The following ANKS4B variants were observed in gnomAD, a reference collection of about 807,000 sequenced individuals.
ANKS4B encodes ankyrin repeat and SAM domain-containing protein 4B.
A neutral mutation model predicts 20.2 loss-of-function variants in ANKS4B; 21 were observed. The observed-to-expected ratio is 1.04, with a 90% CI of 0.74 to 1.50. The LOEUF (loss-of-function observed/expected upper bound fraction) is 1.50. Ranked by LOEUF, ANKS4B falls within the 40% of genes most tolerant of loss-of-function variation. The pLI, the probability that ANKS4B is intolerant of heterozygous loss-of-function variation, is 0.00. For synonymous variants in ANKS4B, 179 were observed against 194.5 expected (o/e 0.92, Z 0.66); for missense variants, 473 against 494.6 (o/e 0.96, Z 0.41).
rs1261831767 is a variant in ANKS4B, at chr16:21,250,406, G to T, written c.840G>T (p.Arg280Ser). ...GLGSIVFRRN[R>S]ISSPEDISDS... ...GAAGTATTGTTTTTAGAAGGAACAG[G>T]ATATCGAGTCCTGAAGACATCTCAG... Residue 280 changes from arginine to serine, a missense_variant, in exon 2 of 2, where the codon AGG becomes AGT. By Grantham distance (110) the Arg-to-Ser change is moderately radical (BLOSUM62 -1). Coordinates refer to ENST00000311620, the MANE Select transcript of ANKS4B (RefSeq NM_145865.3). 1 of 1,614,186 alleles carries T rather than the reference G, an allele frequency of 6.2e-7. No homozygotes were observed. Among genetic ancestry groups the T allele is most frequent in the Admixed American group, 1.7e-5 (1 of 60,018 alleles).
chr16:21,244,010 T>C (rs1054423712), intron 1 of ANKS4B: 1 of 150,832 alleles, frequency 6.6e-6, no homozygotes, highest in Non-Finnish European at 1.5e-5. Context: ...TCATCTCAGG[T>C]GTACTGTTCT....
At chr16:21,241,924 A>G (rs1349427342) in intron 1 of ANKS4B, among the ~76,000 whole-genome samples, 1 of 152,172 alleles carries the variant, frequency 6.6e-6, no homozygotes, top group Non-Finnish European at 1.5e-5. Context: ...TGAGCTGAGC[A>G]TGATGGCTCA....
intron 1 of ANKS4B, among the ~76,000 whole-genome samples, chr16:21,234,487 C>T (rs1216696508): frequency 7.4e-6 from 1 of 135,940 alleles, no homozygotes; most frequent in African/African-American, 3.1e-5. Context: ...GATAGATACA[C>T]ACACACACAC....
At chr16:21,235,594 A>G (rs1482330693) in intron 1 of ANKS4B, among the ~76,000 whole-genome samples, 2 of 152,188 alleles carry the variant, frequency 1.3e-5, no homozygotes, top group African/African-American at 4.8e-5. Flanking sequence ...GGGTAGTGAC[A>G]TTGGGAATGG....
At chr16:21,234,812 G>C (rs1207567999) in intron 1 of ANKS4B, among the ~76,000 whole-genome samples, 3 of 152,038 alleles carry the variant, frequency 2.0e-5, no homozygotes, top group Non-Finnish European at 4.4e-5. Context: ...AGATTTGAGA[G>C]GGGAAGACAA....
intron 1 of ANKS4B, 88 bp downstream of exon 1, chr16:21,233,989 A>G (rs888191386): frequency 5.6e-6 from 7 of 1,251,230 alleles, no homozygotes; most frequent in Non-Finnish European, 7.8e-6. Flanking sequence ...GTCAATACAA[A>G]TACTTTATCC....
chr16:21,245,874 G>A (rs2093331698), intron 1 of ANKS4B, among the ~76,000 whole-genome samples: 3 of 152,170 alleles, frequency 2.0e-5, no homozygotes, highest in Non-Finnish European at 4.4e-5. Context: ...TTGGGGGCAA[G>A]GGCAAGGATA....
intron 1 of ANKS4B, among the ~76,000 whole-genome samples, chr16:21,235,555 T>C (rs560323638): frequency 7.5e-4 from 114 of 152,264 alleles, no homozygotes; most frequent in African/African-American, 2.7e-3. Context: ...GTTTGGGGAC[T>C]GTTTTAGTGG....
Position 21,233,774 on chromosome 16 carries a change from T to C in ANKS4B, c.37T>C (p.Tyr13His). 1 of 1,614,042 alleles carries C rather than the reference T, an allele frequency of 6.2e-7. No homozygotes were observed. The highest frequency in any genetic ancestry group is 8.5e-7 in the Non-Finnish European group (1 of 1,179,954). The change falls in exon 1 of 2, where the codon TAC (tyrosine) becomes CAC (histidine). Residue 13 changes from tyrosine to histidine, a missense_variant. Physicochemically the swap from Tyr to His is moderately conservative, Grantham distance 83. Transcript: ENST00000311620. ...TTACCACCAAGCTGCTAGTGATAGTTACCTGGAACTTCTAAAAGAGGCTAC... is the reference window on the plus strand; with the variant it reads ...TTACCACCAAGCTGCTAGTGATAGTCACCTGGAACTTCTAAAAGAGGCTAC... ...TRYHQAASDS[Y>H]LELLKEATKR...
intron 1 of ANKS4B, among the ~76,000 whole-genome samples, chr16:21,246,490 G>T (rs1477117158): frequency 6.6e-6 from 1 of 152,102 alleles, no homozygotes; most frequent in East Asian, 1.9e-4. Context: ...AAGAATGTTA[G>T]TACAGGTTTT....
rs1194789226 is a variant in ANKS4B at position 21,252,849 on chromosome 16, A to C, written c.*2029A>C. 6.6e-6 allele frequency: 1 copy of C among 151,858 alleles called. No homozygotes were observed. The highest frequency in any genetic ancestry group is 2.4e-5 in the African/African-American group (1 of 41,302). 9.4% of individuals were successfully genotyped at this position (151,858 alleles called of 1,614,324 possible). A position where few individuals can be genotyped will look rare whatever the true frequency, so the allele number is the denominator to read the frequency against. ...GACCAGCCTGGCCAACATGGCGGAAACCCGTCTCTACTAAAAATACAAAAA... is the reference window on the plus strand; with the variant it reads ...GACCAGCCTGGCCAACATGGCGGAACCCCGTCTCTACTAAAAATACAAAAA... On this transcript the variant is annotated 3_prime_UTR_variant, in exon 2 of 2. Coordinates refer to ENST00000311620, the MANE Select transcript of ANKS4B (RefSeq NM_145865.3).
chr16:21,250,864 C>A lies in ANKS4B; in HGVS notation c.*44C>A. On this transcript the variant is annotated 3_prime_UTR_variant, in exon 2 of 2. Transcript: ENST00000311620. ...AGCATTGGGGTGATGCTGTGGCCCG[C>A]TGGCAGCACTCCAGGCGGCACCCCC... The A allele has an allele frequency of 6.5e-7, 1 of 1,539,114 alleles. No homozygotes were observed.
rs35457248 is a variant in ANKS4B at position 21,251,932 on chromosome 16, CTT to C, written c.*1128_*1129del. The C allele has an allele frequency of 0.011, 1,304 of 122,066 alleles. 9 individuals carry two copies. The highest frequency in any genetic ancestry group is 0.012 in the Non-Finnish European group (746 of 61,734). 7.6% of individuals were successfully genotyped at this position (122,066 alleles called of 1,614,324 possible). A position where few individuals can be genotyped will look rare whatever the true frequency, so the allele number is the denominator to read the frequency against. ...TGTAGGACTGGTGTCCTTTTTTTCC[CTT>C]TTTTTTTTTTTTTTTGAGATGGAGC... On this transcript the variant is annotated 3_prime_UTR_variant, in exon 2 of 2. Coordinates refer to ENST00000311620, the MANE Select transcript of ANKS4B (RefSeq NM_145865.3).
intron 1 of ANKS4B, among the ~76,000 whole-genome samples, chr16:21,241,774 T>A (rs2093326822): frequency 6.6e-6 from 1 of 152,240 alleles, no homozygotes; most frequent in Non-Finnish European, 1.5e-5. Context: ...ACGTGATTTT[T>A]AAAAATATGT....
chr16:21,244,680 C>T (rs1191081151), intron 1 of ANKS4B, among the ~76,000 whole-genome samples: 2 of 152,048 alleles, frequency 1.3e-5, no homozygotes, highest in African/African-American at 2.4e-5. Flanking sequence ...GAGTCTTTTG[C>T]ATCTAGTGTT....
rs2093342045 is a variant in ANKS4B, at chr16:21,253,573, G to A, written c.*2753G>A. On this transcript the variant is annotated 3_prime_UTR_variant, in exon 2 of 2. Coordinates refer to ENST00000311620, the MANE Select transcript of ANKS4B (RefSeq NM_145865.3). ...ACCTATTGCCCGGAATCTGCCTAAT[G>A]AGATATTTGCTCCACCCCCTGCTGT... is the stretch of plus-strand genomic sequence containing the variant. The A allele has an allele frequency of 6.6e-6, 1 of 152,124 alleles. No homozygotes were observed. The highest frequency in any genetic ancestry group is 6.6e-5 in the Admixed American group (1 of 15,260). The allele number at this position is 152,124 out of a possible 1,614,324, so 9.4% of individuals were successfully genotyped here.
chr16:21,247,589 T>G (rs2093333970), intron 1 of ANKS4B, among the ~76,000 whole-genome samples: 1 of 152,234 alleles, frequency 6.6e-6, no homozygotes, highest in Admixed American at 6.5e-5. Context: ...GAGATCCTGA[T>G]TTTGGAGTCT....
In ANKS4B at chr16:21,245,973, T is replaced by C. The variant is rs985055160; in HGVS notation, c.165-3758T>C. On this transcript the variant is annotated intron_variant, in intron 1 of 1. Coordinates refer to ENST00000311620, the MANE Select transcript of ANKS4B (RefSeq NM_145865.3). ...AATTTATTTAATTCACATAACTCTA[T>C]GAATAGGTAATAGTATTATCTTCAA... Among the ~76,000 whole-genome samples the C allele has an allele frequency of 7.0e-4, 106 of 152,252 alleles. 1 individual carries two copies. Among genetic ancestry groups the C allele is most frequent in the Non-Finnish European group, 2.2e-4 (15 of 68,046 alleles).
chr16:21,241,051 C>T lies in ANKS4B; in HGVS notation c.164+7150C>T, dbSNP rs529182506. 2.6e-5 allele frequency among the ~76,000 whole-genome samples: 4 copies of T among 152,300 alleles called. No homozygotes were observed. In the East Asian group the frequency reaches 7.7e-4, roughly 29 times the overall value. ...TCAGGCGATCCACCTGCCTTGGCCTCCCAAATTGTTGGGATTACAGGTGTG... is the reference window on the plus strand; with the variant it reads ...TCAGGCGATCCACCTGCCTTGGCCTTCCAAATTGTTGGGATTACAGGTGTG... On this transcript the variant is annotated intron_variant, in intron 1 of 1. Coordinates refer to ENST00000311620, the MANE Select transcript of ANKS4B (RefSeq NM_145865.3).
Sources: allele counts gnomAD v4.1 joint callset (sites outside exome capture counted in the v4.1 genomes callset), GRCh38; gene constraint gnomAD v4.1.1; transcripts MANE v1.5; gene names NCBI Gene and HGNC (gene_info 2026-07-23, HGNC 2026-07-21).